Variants in GRM1 observed in about 807,000 individuals in gnomAD.
GRM1 encodes the protein glutamate metabotropic receptor 1.
A neutral mutation model predicts 90.9 loss-of-function variants in GRM1; 33 were observed. The ratio of observed to expected loss-of-function variants is 0.36; its 90% confidence interval spans 0.28 to 0.49. The LOEUF is 0.49. Ranked by LOEUF, GRM1 falls within the 20% of genes least tolerant of loss-of-function variation. The pLI is 0.99. For missense variants in GRM1, 1,190 were observed against 1,534.3 expected, an observed-to-expected ratio of 0.78 and a Z score of 3.75; for synonymous variants, 700 against 613.2, an observed-to-expected ratio of 1.14 and a Z score of -2.09.
At chr6:146,048,438 A>G (rs1259757542) in intron 1 of GRM1, among the ~76,000 whole-genome samples, 2 of 152,092 alleles carry the variant, frequency 1.3e-5, no homozygotes, top group East Asian at 3.9e-4. Flanking sequence ...ATTCCAAAAC[A>G]TATGCCATTA....
chr6:146,064,918 C>T (rs1775797320), intron 1 of GRM1, among the ~76,000 whole-genome samples: 1 of 151,620 alleles, frequency 6.6e-6, no homozygotes, highest in South Asian at 2.1e-4. Flanking sequence ...TCAATATCAT[C>T]AATATCTAAA....
Position 146,287,082 on chromosome 6 carries a change from A to T in GRM1, c.951-17529A>T, listed in dbSNP as rs545187362. Among the ~76,000 whole-genome samples, 6 of 152,316 alleles carry T rather than the reference A, an allele frequency of 3.9e-5. No homozygotes were observed. In the East Asian group the frequency reaches 1.2e-3, roughly 29 times the overall value. On this transcript the variant is annotated intron_variant, in intron 2 of 7. Coordinates refer to ENST00000282753, the MANE Select transcript of GRM1 (RefSeq NM_001278064.2). ...TACAGCTTCAAAGTTTTTGTGGCAGATTATTGCTCGAATAATCTGTAGAGT... is the reference window on the plus strand; with the variant it reads ...TACAGCTTCAAAGTTTTTGTGGCAGTTTATTGCTCGAATAATCTGTAGAGT...
At chr6:146,318,263 T>C (rs1466194671) in intron 3 of GRM1, among the ~76,000 whole-genome samples, 1 of 152,174 alleles carries the variant, frequency 6.6e-6, no homozygotes, top group Admixed American at 6.5e-5. Context: ...TGCTTTTCTA[T>C]TCCTGTGTTA....
At chr6:146,314,385 A>G (rs1332340031) in intron 3 of GRM1, among the ~76,000 whole-genome samples, 1 of 152,130 alleles carries the variant, frequency 6.6e-6, no homozygotes, top group African/African-American at 2.4e-5. Flanking sequence ...GTAGTGCTCC[A>G]TTATTTGTGT....
intron 2 of GRM1, among the ~76,000 whole-genome samples, chr6:146,187,373 G>A (rs907843803): frequency 2.0e-5 from 3 of 152,080 alleles, no homozygotes; most frequent in Non-Finnish European, 4.4e-5. Context: ...GACAGAAGGT[G>A]TTTTGTTTTC....
At chr6:146,300,152 G>A (rs765376895) in intron 2 of GRM1, among the ~76,000 whole-genome samples, 4 of 151,920 alleles carry the variant, frequency 2.6e-5, no homozygotes, top group Non-Finnish European at 4.4e-5. Context: ...TTTATTATCA[G>A]GTACACACAA....
At chr6:146,077,462 T>A (rs1026603023) in intron 1 of GRM1, among the ~76,000 whole-genome samples, 49 of 152,182 alleles carry the variant, frequency 3.2e-4, no homozygotes, top group Middle Eastern at 3.2e-3. Flanking sequence ...CCATCTTCAA[T>A]TCAGCACTCA....
At chr6:146,351,967 C>A (rs1317783764) in intron 3 of GRM1, among the ~76,000 whole-genome samples, 1 of 152,152 alleles carries the variant, frequency 6.6e-6, no homozygotes, top group African/African-American at 2.4e-5. Flanking sequence ...TTCAGGATTT[C>A]TTTACAATAT....
At chr6:146,110,696 G>A (rs1420180614) in intron 1 of GRM1, among the ~76,000 whole-genome samples, 1 of 152,080 alleles carries the variant, frequency 6.6e-6, no homozygotes, top group African/African-American at 2.4e-5. Context: ...GTTATTTTCT[G>A]TAAATGCTTG....
chr6:146,184,326 A>G lies in GRM1; in HGVS notation c.950+24729A>G, dbSNP rs117515560. On this transcript the variant is annotated intron_variant, in intron 2 of 7. Transcript: ENST00000282753. ...TCTCTCCAACTTCCCAAACATGTTT[A>G]TTCTATTTTTGCTTGATTGGAAACT... Among the ~76,000 whole-genome samples, 368 of 152,262 alleles carry G rather than the reference A, an allele frequency of 2.4e-3. 5 individuals are homozygous for G. Among genetic ancestry groups the G allele is most frequent in the Non-Finnish European group, 3.6e-3 (245 of 68,018 alleles).
intron 7 of GRM1, among the ~76,000 whole-genome samples, chr6:146,414,171 G>A (rs572216472): frequency 6.6e-6 from 1 of 152,140 alleles, no homozygotes; most frequent in South Asian, 2.1e-4. Context: ...TACCAAGAAT[G>A]TATGAGACGC....
rs752390601 is a variant in GRM1, at chr6:146,434,618, A to C, written c.3407A>C (p.Lys1136Thr). The C allele has an allele frequency of 6.2e-7, 1 of 1,612,860 alleles. No individual in the cohort carries two copies. Among genetic ancestry groups the C allele is most frequent in the South Asian group, 1.1e-5 (1 of 91,078 alleles). Residue 1136 changes from lysine to threonine, a missense_variant, in exon 8 of 8, where the codon AAA becomes ACA. By Grantham distance (78) the Lys-to-Thr change is moderately conservative. Coordinates refer to ENST00000282753, the MANE Select transcript of GRM1 (RefSeq NM_001278064.2). ...EEEEDLQAAS[K>T]LTPDDSPALT... is the part of the protein sequence containing the mutation. ...GAGGAGGACCTGCAGGCGGCCAGCA[A>C]ACTGACCCCGGATGATTCGCCTGCG...
intron 6 of GRM1, among the ~76,000 whole-genome samples, chr6:146,394,421 G>C (rs1300284541): frequency 6.6e-6 from 1 of 152,074 alleles, no homozygotes; most frequent in African/African-American, 2.4e-5. Context: ...AGGAGAGTAT[G>C]ATATATACAA....
chr6:146,047,526 A>C (rs892920531), intron 1 of GRM1, among the ~76,000 whole-genome samples: 1 of 151,670 alleles, frequency 6.6e-6, no homozygotes, highest in Non-Finnish European at 1.5e-5. Context: ...GCATATCACA[A>C]GCTGGTTTCT....
At chr6:146,135,146 A>C (rs1776572350) in intron 1 of GRM1, among the ~76,000 whole-genome samples, 1 of 152,142 alleles carries the variant, frequency 6.6e-6, no homozygotes, top group Non-Finnish European at 1.5e-5. Flanking sequence ...CTTAATGATA[A>C]CCCTAAGAGG....
chr6:146,389,477 T>C (rs1354199483), intron 6 of GRM1, among the ~76,000 whole-genome samples: 2 of 152,110 alleles, frequency 1.3e-5, no homozygotes, highest in Non-Finnish European at 2.9e-5. Context: ...CTTTTATTCC[T>C]TGGAGATGCT....
intron 1 of GRM1, among the ~76,000 whole-genome samples, chr6:146,059,256 G>A (rs1775583577): frequency 6.6e-6 from 1 of 152,158 alleles, no homozygotes. Context: ...CAGAACAGAT[G>A]TTGTATTAGC....
chr6:146,398,062 G>A (rs1777030067), intron 6 of GRM1, among the ~76,000 whole-genome samples: 1 of 152,124 alleles, frequency 6.6e-6, no homozygotes, highest in South Asian at 2.1e-4. Context: ...GATAAGCCAG[G>A]AATTTAGGAA....
At chr6:146,101,874 TGTTAATAATAATATG>T (rs1158969433) in intron 1 of GRM1, among the ~76,000 whole-genome samples, 2 of 149,890 alleles carry the variant, frequency 1.3e-5, no homozygotes, top group East Asian at 3.9e-4. Flanking sequence ...TACATAATTA[TGTTAATAATAATATG>T]AGTGATAAAA....
Sources: gnomAD v4.1 joint callset for allele counts (sites outside exome capture counted in the v4.1 genomes callset) on GRCh38, gnomAD v4.1.1 for gene constraint, MANE v1.5 for transcripts, NCBI Gene and HGNC (gene_info 2026-07-23, HGNC 2026-07-21) for gene names.